CNGB3: variants seen among roughly 807,000 people sequenced by gnomAD.
The protein encoded by CNGB3 is cyclic nucleotide-gated channel beta-3.
A neutral mutation model predicts 92.8 loss-of-function variants in CNGB3; 86 were observed. That is an observed-to-expected ratio of 0.93 (90% confidence interval 0.78 to 1.11). The LOEUF is 1.11. CNGB3 is among the 50% of genes least tolerant of loss of function. The probability of loss-of-function intolerance (pLI) is 0.00; values close to 1 mark genes in which losing one functional copy is unlikely to be tolerated. For missense variants in CNGB3, 1,026 were observed against 956.8 expected, an observed-to-expected ratio of 1.07 and a Z score of -0.95; for synonymous variants, 333 against 332.7, an observed-to-expected ratio of 1.00 and a Z score of -0.01.
At chr8:86,593,764 AG>A in intron 15 of CNGB3, 1 of 1,298,258 alleles carries the variant, frequency 7.7e-7, no homozygotes, top group Admixed American at 1.8e-5. Context: ...TCAGGATGCC[AG>A]GGCAGTACTT....
intron 6 of CNGB3, among the ~76,000 whole-genome samples, chr8:86,654,880 T>C (rs1171065845): frequency 6.6e-6 from 1 of 152,184 alleles, no homozygotes; most frequent in Non-Finnish European, 1.5e-5. Context: ...CCCACATTTA[T>C]AGTTTCAGAG....
At chr8:86,711,783 A>G (rs1156344851) in intron 3 of CNGB3, among the ~76,000 whole-genome samples, 1 of 151,716 alleles carries the variant, frequency 6.6e-6, no homozygotes, top group Non-Finnish European at 1.5e-5. Flanking sequence ...AAGGATACAA[A>G]GCACAGATGG....
At chr8:86,695,565 C>T (rs1478515113) in intron 3 of CNGB3, among the ~76,000 whole-genome samples, 1 of 151,566 alleles carries the variant, frequency 6.6e-6, no homozygotes, top group Non-Finnish European at 1.5e-5. Context: ...CATTCATATC[C>T]TCCTTTTTGT....
chr8:86,678,581 C>T (rs1824020567), intron 3 of CNGB3, among the ~76,000 whole-genome samples: 1 of 152,176 alleles, frequency 6.6e-6, no homozygotes, highest in Non-Finnish European at 1.5e-5. Context: ...CTTGTTTCCA[C>T]ACCCCATGTT....
intron 3 of CNGB3, among the ~76,000 whole-genome samples, chr8:86,680,753 A>C (rs551141657): frequency 6.6e-6 from 1 of 152,206 alleles, no homozygotes; most frequent in South Asian, 2.1e-4. Context: ...GGTCAAGTGA[A>C]CATCATTTAC....
intron 10 of CNGB3, among the ~76,000 whole-genome samples, chr8:86,642,035 CT>C: frequency 1.3e-5 from 2 of 151,580 alleles, no homozygotes; most frequent in South Asian, 2.1e-4. Context: ...TTCGTTTTTC[CT>C]TACTCCCCCT....
intron 3 of CNGB3, among the ~76,000 whole-genome samples, chr8:86,695,283 C>T (rs998935675): frequency 6.6e-6 from 1 of 151,888 alleles, no homozygotes; most frequent in Non-Finnish European, 1.5e-5. Context: ...AGAGGGAGAC[C>T]GTGGAAAGAG....
intron 15 of CNGB3, among the ~76,000 whole-genome samples, 192 bp downstream of exon 15, chr8:86,603,901 G>A (rs1317896024): frequency 1.3e-5 from 2 of 152,198 alleles, no homozygotes; most frequent in African/African-American, 4.8e-5. Context: ...CTAAAGAGCT[G>A]AATGACCCAG....
intron 2 of CNGB3, among the ~76,000 whole-genome samples, chr8:86,733,548 CA>C (rs1825195121): frequency 6.6e-6 from 1 of 152,118 alleles, no homozygotes; most frequent in Non-Finnish European, 1.5e-5. Flanking sequence ...AAGTTATATA[CA>C]TTTTGTAGGA....
intron 2 of CNGB3, among the ~76,000 whole-genome samples, chr8:86,735,548 G>T (rs1334223875): frequency 6.6e-6 from 1 of 152,078 alleles, no homozygotes; most frequent in Non-Finnish European, 1.5e-5. Context: ...GAAGCTCCAG[G>T]AGAGAATCCT....
chr8:86,658,240 G>T, intron 6 of CNGB3: 1 of 554,368 alleles, frequency 1.8e-6, no homozygotes, highest in South Asian at 1.7e-5. Flanking sequence ...GGCCATGCCT[G>T]CTCCTCCTCG....
At chr8:86,591,814 A>G (rs1352191418) in intron 15 of CNGB3, among the ~76,000 whole-genome samples, 23 of 152,292 alleles carry the variant, frequency 1.5e-4, no homozygotes, top group African/African-American at 5.3e-4. Context: ...CCCTGCCCCC[A>G]GAGGTGGAGC....
At chr8:86,715,413 C>T (rs1824833172) in intron 3 of CNGB3, among the ~76,000 whole-genome samples, 2 of 152,094 alleles carry the variant, frequency 1.3e-5, no homozygotes, top group African/African-American at 4.8e-5. Context: ...AGTCCTGTAG[C>T]TCCACTGGGT....
intron 15 of CNGB3, chr8:86,593,621 T>C (rs560793825): frequency 4.4e-6 from 2 of 454,666 alleles, no homozygotes; most frequent in South Asian, 5.2e-5. Flanking sequence ...GTGGTGGCTA[T>C]AAGGGGCGAG....
chr8:86,694,515 C>T (rs1310886315), intron 3 of CNGB3, among the ~76,000 whole-genome samples: 18 of 150,812 alleles, frequency 1.2e-4, no homozygotes, highest in African/African-American at 3.2e-4. Flanking sequence ...GGGCGGCTGC[C>T]GGGTGGCGGG....
intron 15 of CNGB3, among the ~76,000 whole-genome samples, chr8:86,584,844 C>T (rs1284956502): frequency 6.6e-6 from 1 of 152,070 alleles, no homozygotes; most frequent in East Asian, 1.9e-4. Context: ...TTTTGATTTC[C>T]ACTCTAATCA....
intron 3 of CNGB3, among the ~76,000 whole-genome samples, chr8:86,677,738 A>AC (rs1824002609): frequency 6.6e-6 from 1 of 152,194 alleles, no homozygotes; most frequent in Admixed American, 6.5e-5. Flanking sequence ...TATGCTGCAC[A>AC]TAAAGTGAGT....
At chr8:86,727,484 A>G (rs1226128648) in intron 2 of CNGB3, among the ~76,000 whole-genome samples, 1 of 152,296 alleles carries the variant, frequency 6.6e-6, no homozygotes. Context: ...TGACGAAATG[A>G]TACAAACTAA....
intron 15 of CNGB3, among the ~76,000 whole-genome samples, chr8:86,600,849 C>G (rs1359352328): frequency 1.6e-5 from 2 of 124,652 alleles, no homozygotes; most frequent in African/African-American, 6.3e-5. Flanking sequence ...CTGGGACGGT[C>G]TTGATCTCCA....
Sources: allele counts gnomAD v4.1 joint callset (sites outside exome capture counted in the v4.1 genomes callset), GRCh38; gene constraint gnomAD v4.1.1; transcripts MANE v1.5; gene names NCBI Gene and HGNC (gene_info 2026-07-23, HGNC 2026-07-21).